SLC25A26: variants seen among roughly 807,000 people sequenced by gnomAD.
SLC25A26 encodes mitochondrial S-adenosylmethionine carrier protein.
In SLC25A26, 36 loss-of-function variants were observed where a neutral mutation model predicts 37.8. That is an observed-to-expected ratio of 0.95 (90% confidence interval 0.73 to 1.26). The LOEUF is 1.26. Ranked by LOEUF, SLC25A26 falls within the 50% of genes most tolerant of loss-of-function variation. The pLI is 0.00. For missense variants in SLC25A26, 390 were observed against 331.1 expected, an observed-to-expected ratio of 1.18 and a Z score of -1.38; for synonymous variants, 129 against 122.5, an observed-to-expected ratio of 1.05 and a Z score of -0.35.
chr3:66,275,406 T>TA (rs200076219), intron 5 of SLC25A26, among the ~76,000 whole-genome samples: 3,277 of 147,636 alleles, frequency 0.022, 112 homozygotes, highest in African/African-American at 0.075. Flanking sequence ...ATAATAATAG[T>TA]AAAAAAAAAA....
intron 9 of SLC25A26, among the ~76,000 whole-genome samples, chr3:66,376,575 A>G (rs1331205217): frequency 6.6e-6 from 1 of 152,222 alleles, no homozygotes; most frequent in African/African-American, 2.4e-5. Context: ...AGGTATGTAC[A>G]ATTTTTAGAC....
chr3:66,211,468 C>T (rs1315544483), intron 1 of SLC25A26, among the ~76,000 whole-genome samples: 2 of 152,184 alleles, frequency 1.3e-5, no homozygotes, highest in African/African-American at 2.4e-5. Flanking sequence ...TAAACTTTTC[C>T]GTACTGGGAA....
At chr3:66,161,212 G>C (rs946266239) in intron 1 of SLC25A26, among the ~76,000 whole-genome samples, 7 of 151,822 alleles carry the variant, frequency 4.6e-5, no homozygotes, top group African/African-American at 9.7e-5. Flanking sequence ...TCTTGAAACT[G>C]TCAATTTGCT....
intron 1 of SLC25A26, among the ~76,000 whole-genome samples, chr3:66,165,195 C>G (rs995582837): frequency 1.3e-5 from 2 of 152,202 alleles, no homozygotes; most frequent in Admixed American, 6.5e-5. Context: ...CCAACACCCA[C>G]CTTCAACTTG....
intron 1 of SLC25A26, among the ~76,000 whole-genome samples, chr3:66,230,729 T>C (rs2106955400): frequency 7.4e-6 from 1 of 134,538 alleles, no homozygotes; most frequent in East Asian, 2.2e-4. Context: ...CAATTGAACC[T>C]GGGAGGTGAA....
chr3:66,356,000 A>T lies in SLC25A26; in HGVS notation c.499-6860A>T, dbSNP rs972504391. On this transcript the variant is annotated intron_variant, in intron 6 of 9. Coordinates refer to ENST00000354883, the MANE Select transcript of SLC25A26 (RefSeq NM_001379210.1). ...ATACTTATTTTACTACATGTATAAAAAGCATATAGTAAAATATCATCATCT... is the reference window on the plus strand; with the variant it reads ...ATACTTATTTTACTACATGTATAAATAGCATATAGTAAAATATCATCATCT... The T allele has an allele frequency of 1.5e-5, 7 of 456,018 alleles. No individual in the cohort carries two copies. The East Asian group carries it at 4.9e-4, about 32-fold the overall frequency. 28.2% of individuals were successfully genotyped at this position (456,018 alleles called of 1,614,324 possible).
chr3:66,148,397 C>T (rs762145128), intron 1 of SLC25A26, among the ~76,000 whole-genome samples: 2 of 152,162 alleles, frequency 1.3e-5, no homozygotes, highest in Non-Finnish European at 2.9e-5. Flanking sequence ...GGAATGGGAA[C>T]ATGTTTCCAG....
At chr3:66,214,902 C>T (rs977327069) in intron 1 of SLC25A26, among the ~76,000 whole-genome samples, 33 of 152,048 alleles carry the variant, frequency 2.2e-4, no homozygotes, top group African/African-American at 6.5e-4. Context: ...CTGAGGTGGG[C>T]GGATGGCTTG....
At chr3:66,298,775 T>C in intron 5 of SLC25A26, among the ~76,000 whole-genome samples, 1 of 152,132 alleles carries the variant, frequency 6.6e-6, no homozygotes, top group East Asian at 1.9e-4. Flanking sequence ...AATAGCAAAA[T>C]TGTACATGTC....
chr3:66,342,900 A>G (rs577845285), intron 5 of SLC25A26, among the ~76,000 whole-genome samples: 2 of 152,320 alleles, frequency 1.3e-5, no homozygotes, highest in East Asian at 3.9e-4. Flanking sequence ...TATTCAAACA[A>G]AACATCTTAA....
intron 5 of SLC25A26, among the ~76,000 whole-genome samples, chr3:66,307,509 T>G (rs919733955): frequency 7.9e-5 from 12 of 152,244 alleles, no homozygotes; most frequent in Non-Finnish European, 1.5e-4. Flanking sequence ...TTAGTTTAAT[T>G]AGATCCCATT....
At chr3:66,198,693 A>C (rs2071075757) in intron 1 of SLC25A26, among the ~76,000 whole-genome samples, 1 of 151,302 alleles carries the variant, frequency 6.6e-6, no homozygotes, top group Admixed American at 6.6e-5. Flanking sequence ...CCTGACACTG[A>C]ATCCGACCCG....
intron 3 of SLC25A26, among the ~76,000 whole-genome samples, chr3:66,245,263 A>AAC (rs1227191051): frequency 1.1e-4 from 17 of 151,898 alleles, no homozygotes; most frequent in Admixed American, 2.6e-4. Context: ...AAAAAAAAAA[A>AAC]AAAACAAAAC....
At chr3:66,298,995 G>T (rs1416167115) in intron 5 of SLC25A26, among the ~76,000 whole-genome samples, 1 of 152,192 alleles carries the variant, frequency 6.6e-6, no homozygotes, top group Non-Finnish European at 1.5e-5. Context: ...TAAAAACTCA[G>T]TGTGTAAACT....
intron 1 of SLC25A26, among the ~76,000 whole-genome samples, chr3:66,229,536 T>C (rs950702545): frequency 1.3e-5 from 2 of 152,214 alleles, no homozygotes; most frequent in African/African-American, 4.8e-5. Flanking sequence ...TCTTGCACTC[T>C]CTGTGTCCTG....
chr3:66,175,140 T>TATATATATATATATACACAC (rs1413714739), intron 1 of SLC25A26, among the ~76,000 whole-genome samples: 1 of 67,044 alleles, frequency 1.5e-5, no homozygotes, highest in African/African-American at 6.4e-5. Context: ...TATATATATA[T>TATATATATATATATACACAC]ACACACACAC....
At chr3:66,188,131 C>A (rs994045433) in intron 1 of SLC25A26, among the ~76,000 whole-genome samples, 8 of 152,172 alleles carry the variant, frequency 5.3e-5, no homozygotes, top group Middle Eastern at 3.4e-3. Context: ...CTAACCTGAA[C>A]CCTCAAATGT....
chr3:66,337,629 G>C (rs1379096741), intron 5 of SLC25A26, among the ~76,000 whole-genome samples: 2 of 151,976 alleles, frequency 1.3e-5, no homozygotes, highest in Non-Finnish European at 2.9e-5. Flanking sequence ...AGATAAATCA[G>C]AAGATTTATT....
chr3:66,290,490 T>A (rs1284044553), intron 5 of SLC25A26, among the ~76,000 whole-genome samples: 1 of 152,206 alleles, frequency 6.6e-6, no homozygotes, highest in Non-Finnish European at 1.5e-5. Flanking sequence ...ATACGTCCCA[T>A]CAATGCCTGG....
Sources: gnomAD v4.1 joint callset for allele counts (sites outside exome capture counted in the v4.1 genomes callset) on GRCh38, gnomAD v4.1.1 for gene constraint, MANE v1.5 for transcripts, NCBI Gene and HGNC (gene_info 2026-07-23, HGNC 2026-07-21) for gene names.